Variants in RSRC1 observed in about 807,000 individuals in gnomAD.
RSRC1 encodes arginine and serine rich coiled-coil 1.
A neutral mutation model predicts 49.1 loss-of-function variants in RSRC1; 39 were observed. The ratio of observed to expected loss-of-function variants is 0.79; its 90% CI spans 0.61 to 1.04. RSRC1 has a LOEUF of 1.04. Among genes scored for constraint, RSRC1 ranks in the 50% least tolerant of loss-of-function variants. RSRC1 has a pLI of 0.00. For missense variants in RSRC1, 388 were observed against 402.4 expected (o/e 0.96, Z 0.31); for synonymous variants, 143 against 130.8 (o/e 1.09, Z -0.63).
At position 158,186,990 on chromosome 3, in the gene RSRC1, A is replaced by T. The variant is rs1190821426; in HGVS notation, c.321-16082A>T. ...TGTGTAAATCTTTATTTTCTGTTTT[A>T]TAGATTTTATTTGAAAATGATACGG... is the stretch of plus-strand genomic sequence containing the variant. On this transcript the variant is annotated intron_variant, in intron 3 of 9. Transcript: ENST00000611884. Among the ~76,000 whole-genome samples, 4 of 151,938 alleles carry T rather than the reference A, an allele frequency of 2.6e-5. 1 individual carries two copies. Among genetic ancestry groups the T allele is most frequent in the African/African-American group, 9.7e-5 (4 of 41,400 alleles).
intron 3 of RSRC1, among the ~76,000 whole-genome samples, chr3:158,130,681 C>T (rs995355561): frequency 6.6e-6 from 1 of 152,136 alleles, no homozygotes; most frequent in Non-Finnish European, 1.5e-5. Flanking sequence ...AAGCAAAGGT[C>T]TCAGATATGG....
chr3:158,450,062 A>G (rs1181512615), intron 6 of RSRC1, among the ~76,000 whole-genome samples: 2 of 151,946 alleles, frequency 1.3e-5, no homozygotes, highest in Non-Finnish European at 2.9e-5. Flanking sequence ...GAATACCTGT[A>G]TACAGGGGTT....
At chr3:158,214,457 T>G (rs950223751) in intron 4 of RSRC1, among the ~76,000 whole-genome samples, 11 of 151,800 alleles carry the variant, frequency 7.2e-5, no homozygotes, top group Non-Finnish European at 1.3e-4. Context: ...TTATTATTTT[T>G]TTTCTCCTTC....
At chr3:158,268,109 A>G (rs1395131885) in intron 4 of RSRC1, among the ~76,000 whole-genome samples, 1 of 152,078 alleles carries the variant, frequency 6.6e-6, no homozygotes, top group Non-Finnish European at 1.5e-5. Flanking sequence ...CTAAGAATTT[A>G]AGTAGAGATA....
intron 6 of RSRC1, among the ~76,000 whole-genome samples, chr3:158,425,632 T>C (rs575454004): frequency 3.2e-4 from 49 of 151,998 alleles, no homozygotes; most frequent in African/African-American, 1.2e-3. Context: ...AATTCCTGGG[T>C]ATCCTTGTTG....
intron 7 of RSRC1, among the ~76,000 whole-genome samples, chr3:158,511,773 C>T (rs1189962369): frequency 3.3e-5 from 5 of 152,016 alleles, no homozygotes; most frequent in African/African-American, 4.8e-5. Flanking sequence ...TCCACATCCT[C>T]TCCAGCACCT....
At chr3:158,254,556 C>T (rs560188180) in intron 4 of RSRC1, among the ~76,000 whole-genome samples, 12 of 152,054 alleles carry the variant, frequency 7.9e-5, no homozygotes, top group South Asian at 2.1e-4. Context: ...CTCACCCTCC[C>T]GAGTAGCTGG....
In RSRC1 at chr3:158,517,336, T is replaced by G. The variant is rs547422685; in HGVS notation, c.653-19756T>G. ...TGTCTCTTTCCACTTGTTATATCATTTCTTTCTTTTTCTTTTCTCACTGCA... is the reference window on the plus strand; with the variant it reads ...TGTCTCTTTCCACTTGTTATATCATGTCTTTCTTTTTCTTTTCTCACTGCA... On this transcript the variant is annotated intron_variant, in intron 7 of 9. Coordinates refer to ENST00000611884, the MANE Select transcript of RSRC1 (RefSeq NM_001271838.2). 3.9e-5 allele frequency among the ~76,000 whole-genome samples: 6 copies of G among 152,286 alleles called. No individual in the cohort carries two copies. The East Asian group carries it at 1.2e-3, about 29-fold the overall frequency.
At chr3:158,518,148 A>ATATATTTTTTTTT (rs1310027981) in intron 7 of RSRC1, among the ~76,000 whole-genome samples, 8 of 44,134 alleles carry the variant, frequency 1.8e-4, no homozygotes, top group African/African-American at 1.2e-3. Flanking sequence ...ATATATATAT[A>ATATATTTTTTTTT]TTTTTTTTTT....
At position 158,537,187 on chromosome 3, in the gene RSRC1, GA is replaced by G. The variant is rs1377340676; in HGVS notation, c.750del (p.Val251SerfsTer10). ...TCAGCAGACATTCAGATCAAGTAAA[GA>G]AGTCAAAAAGGTAAGTTTTTATCCA... ...FVQQTFRSSK[E>X]VKKSVEPSEV... On this transcript the variant is annotated frameshift_variant, in exon 8 of 10. Coordinates refer to ENST00000611884, the MANE Select transcript of RSRC1 (RefSeq NM_001271838.2). LOFTEE classifies it high-confidence loss of function. 6.3e-7 allele frequency: 1 copy of G among 1,579,846 alleles called. No homozygotes were observed. Among genetic ancestry groups the G allele is most frequent in the Non-Finnish European group, 8.6e-7 (1 of 1,165,818 alleles).
At chr3:158,393,583 G>A (rs911014992) in intron 6 of RSRC1, among the ~76,000 whole-genome samples, 1 of 151,496 alleles carries the variant, frequency 6.6e-6, no homozygotes, top group Non-Finnish European at 1.5e-5. Context: ...ATAAATTCCT[G>A]GAAACATAAA....
chr3:158,403,816 C>T (rs548461672), intron 6 of RSRC1, among the ~76,000 whole-genome samples: 1 of 151,736 alleles, frequency 6.6e-6, no homozygotes, highest in African/African-American at 2.4e-5. Context: ...TTATAAAATT[C>T]AGCATAGCAA....
chr3:158,530,674 A>G (rs1185248089), intron 7 of RSRC1, among the ~76,000 whole-genome samples: 3 of 151,692 alleles, frequency 2.0e-5, no homozygotes, highest in Non-Finnish European at 4.4e-5. Flanking sequence ...GGCTATTACT[A>G]TCTCCATGCC....
intron 3 of RSRC1, among the ~76,000 whole-genome samples, chr3:158,147,050 T>C (rs991504109): frequency 1.4e-5 from 2 of 145,866 alleles, no homozygotes; most frequent in African/African-American, 5.0e-5. Flanking sequence ...GTAGTGCTGC[T>C]GCCTCCCCCT....
At chr3:158,471,651 A>G (rs1294257880) in intron 7 of RSRC1, among the ~76,000 whole-genome samples, 1 of 152,182 alleles carries the variant, frequency 6.6e-6, no homozygotes, top group Admixed American at 6.5e-5. Flanking sequence ...CCTACCATGT[A>G]TTTCTGTATA....
intron 7 of RSRC1, chr3:158,469,470 A>G (rs1046781963): frequency 4.5e-5 from 17 of 374,228 alleles, no homozygotes; most frequent in South Asian, 3.3e-4. Flanking sequence ...GCAAAGTCTT[A>G]TACTATACTT....
chr3:158,218,203 G>T (rs911587668), intron 4 of RSRC1, among the ~76,000 whole-genome samples: 3 of 151,578 alleles, frequency 2.0e-5, no homozygotes, highest in African/African-American at 4.8e-5. Context: ...AATCTGATGG[G>T]TGACATGATC....
At chr3:158,148,366 C>CAT (rs1553761605) in intron 3 of RSRC1, among the ~76,000 whole-genome samples, 3 of 149,668 alleles carry the variant, frequency 2.0e-5, no homozygotes, top group Non-Finnish European at 4.5e-5. Context: ...TGTGTGTGTG[C>CAT]GTGTGTGTGT....
At chr3:158,184,927 T>C (rs1481245106) in intron 3 of RSRC1, among the ~76,000 whole-genome samples, 2 of 152,012 alleles carry the variant, frequency 1.3e-5, no homozygotes, top group Non-Finnish European at 2.9e-5. Context: ...GAGAGTGGTC[T>C]ATATTTTTGT....
Sources: allele counts gnomAD v4.1 joint callset (sites outside exome capture counted in the v4.1 genomes callset), GRCh38; gene constraint gnomAD v4.1.1; transcripts MANE v1.5; gene names NCBI Gene and HGNC (gene_info 2026-07-23, HGNC 2026-07-21).